The following CDKN2A variants were observed in gnomAD, a reference collection of about 807,000 sequenced individuals.
CDKN2A encodes cyclin-dependent kinase inhibitor 2A.
A neutral mutation model predicts 11.1 loss-of-function variants in CDKN2A; 3 were observed. The ratio of observed to expected loss-of-function variants is 0.27; its 90% CI spans 0.12 to 0.70. The LOEUF is 0.70. Ranked by LOEUF, CDKN2A falls within the 30% of genes least tolerant of loss-of-function variation. CDKN2A has a pLI of 0.77. For missense variants in CDKN2A, 265 were observed against 233.6 expected (o/e 1.13, Z -0.88); for synonymous variants, 122 against 108.1 (o/e 1.13, Z -0.80).
chr9:21,980,216 C>T (rs1489087976), intron 2 of CDKN2A, among the ~76,000 whole-genome samples: 1 of 152,086 alleles, frequency 6.6e-6, no homozygotes, highest in Non-Finnish European at 1.5e-5. Context: ...CTCTCTTGTT[C>T]TATTGTTTAC....
At position 21,982,923 on chromosome 9, in the gene CDKN2A, T is replaced by G. The variant is rs374145862; in HGVS notation, c.-4+10959A>C. Among the ~76,000 whole-genome samples the G allele has an allele frequency of 4.1e-4, 63 of 152,024 alleles. No homozygotes were observed. The South Asian group carries it at 7.5e-3, about 18-fold the overall frequency. On this transcript the variant is annotated intron_variant, in intron 2 of 3. Transcript: ENST00000494262. Reference sequence around the variant, plus strand: ...TAATAAGGAAAAGAAAAGTTCAAACTTAAGGTTCTCAGTTCTGTTTGAGAG... The same window carrying G: ...TAATAAGGAAAAGAAAAGTTCAAACGTAAGGTTCTCAGTTCTGTTTGAGAG...
At chr9:21,993,784 A>G in intron 2 of CDKN2A, 1 of 310,400 alleles carries the variant, frequency 3.2e-6, no homozygotes, top group Non-Finnish European at 6.0e-6. Flanking sequence ...GTGTGCTTGA[A>G]ATACACCTTT....
intron 2 of CDKN2A, among the ~76,000 whole-genome samples, chr9:21,985,182 A>G (rs1820273183): frequency 6.6e-6 from 1 of 151,972 alleles, no homozygotes; most frequent in Non-Finnish European, 1.5e-5. Flanking sequence ...TTAAGATGAT[A>G]ACTTCCATAA....
chr9:21,994,050 T>A, exon 2 of CDKN2A: 2 of 1,425,730 alleles, frequency 1.4e-6, no homozygotes, highest in Non-Finnish European at 1.9e-6. Flanking sequence ...CCTCCTAGCC[T>A]GGGCTAGAGA....
rs749723804 is a variant in CDKN2A, at chr9:21,994,261, A to G, written c.-175-208T>C. The G allele has an allele frequency of 4.4e-6, 7 of 1,605,408 alleles. No homozygotes were observed. In the South Asian group the frequency reaches 7.7e-5, roughly 18 times the overall value. ...CCCCGTGAGCCGCGGGATGTGAACC[A>G]CGAAAACCCTCACTCGCGGCGGGCC... On this transcript the variant is annotated intron_variant, in intron 1 of 3. Transcript: ENST00000494262.
Position 21,970,944 on chromosome 9 carries a change from C to G in CDKN2A, c.415G>C (p.Gly139Arg), listed in dbSNP as rs587781733. 27 of 1,612,380 alleles carry G rather than the reference C, an allele frequency of 1.7e-5. No individual in the cohort carries two copies. Among genetic ancestry groups the G allele is most frequent in the Non-Finnish European group, 2.2e-5 (26 of 1,180,034 alleles). ...GCATCTATGCGGGCATGGTTACTGC[C>G]TCTGGTGCCCCCCGCAGCCGCGCGC... ...YLRAAAGGTR[G>R]SNHARIDAAE... Residue 139 changes from glycine to arginine, a missense_variant, in exon 2 of 3, where the codon GGC (glycine) becomes CGC (arginine). Physicochemically the swap from Gly to Arg is moderately radical, Grantham distance 125 (BLOSUM62 -2). Coordinates refer to ENST00000304494, the MANE Select transcript of CDKN2A (RefSeq NM_000077.5).
At chr9:21,994,034 C>G (rs1450779264) in exon 2 of CDKN2A, 1 of 1,275,076 alleles carries the variant, frequency 7.8e-7, no homozygotes, top group Non-Finnish European at 1.1e-6. Context: ...GCGGTTATCT[C>G]CTCCTCCTCC....
rs1260653354 is a variant in CDKN2A, at chr9:21,967,860, A to C, written c.*369T>G. The C allele has an allele frequency of 3.0e-6, 1 of 338,972 alleles. No individual in the cohort carries two copies. The highest frequency in any genetic ancestry group is 5.4e-6 in the Non-Finnish European group (1 of 184,634). The allele number at this position is 338,972 out of a possible 1,614,324, so 21.0% of individuals were successfully genotyped here. A position where few individuals can be genotyped will look rare whatever the true frequency, so the allele number is the denominator to read the frequency against. On this transcript the variant is annotated 3_prime_UTR_variant, in exon 3 of 3. Transcript: ENST00000304494. ...TAACCCCCCTGAGCTTCCCTAGTTCACAAAATGCTTGTCATGAAGTCGACA... is the reference window on the plus strand; with the variant it reads ...TAACCCCCCTGAGCTTCCCTAGTTCCCAAAATGCTTGTCATGAAGTCGACA...
chr9:21,968,524 G>A lies in CDKN2A; in HGVS notation c.458-282C>T. 6.9e-7 allele frequency: 1 copy of A among 1,450,582 alleles called. No individual in the cohort carries two copies. 89.9% of individuals were successfully genotyped at this position (1,450,582 alleles called of 1,614,324 possible). On this transcript the variant is annotated intron_variant, in intron 2 of 2. Coordinates refer to ENST00000304494, the MANE Select transcript of CDKN2A (RefSeq NM_000077.5). This position sits in a 1 kb window ranked among gnomAD's most constrained non-coding sequence, Gnocchi z 4.7. ...GAAAGCGCGACCGCGCGGCCCGCAG[G>A]GTTGCAAGAAGAAAACGAGTGTTAT...
chr9:21,991,599 G>C lies in CDKN2A; in HGVS notation c.-4+2283C>G. 1.1e-6 allele frequency: 1 copy of C among 948,092 alleles called. No homozygotes were observed. The highest frequency in any genetic ancestry group is 1.3e-6 in the Non-Finnish European group (1 of 795,956). The allele number at this position is 948,092 out of a possible 1,614,324, so 58.7% of individuals were successfully genotyped here. ...ACCATTTGTATCACTTTAGTAATAGGAGTTTTTCATATGTTGGGAAAATGG... is the reference window on the plus strand; with the variant it reads ...ACCATTTGTATCACTTTAGTAATAGCAGTTTTTCATATGTTGGGAAAATGG... On this transcript the variant is annotated intron_variant, in intron 2 of 3. Coordinates refer to the CDKN2A transcript ENST00000494262. The surrounding 1 kb of genome is among the most constrained non-coding windows in gnomAD (Gnocchi z 5.2).
intron 2 of CDKN2A, among the ~76,000 whole-genome samples, chr9:21,982,626 C>A (rs1820219932): frequency 1.3e-5 from 2 of 151,778 alleles, no homozygotes; most frequent in African/African-American, 4.8e-5. Context: ...ATATTATGTA[C>A]AGCACAGATA....
chr9:21,985,624 T>A (rs999487993), intron 2 of CDKN2A, among the ~76,000 whole-genome samples: 8 of 151,934 alleles, frequency 5.3e-5, no homozygotes, highest in African/African-American at 1.4e-4. Context: ...GACTAATAAC[T>A]TTTTTTCCAG....
chr9:21,977,976 G>C (rs1248194621), upstream of CDKN2A, among the ~76,000 whole-genome samples: 1 of 152,084 alleles, frequency 6.6e-6, no homozygotes, highest in Non-Finnish European at 1.5e-5. Context: ...AGGTGTAAAA[G>C]TTGACTGCTT....
upstream of CDKN2A, chr9:21,974,945 G>C: frequency 7.0e-7 from 1 of 1,422,618 alleles, no homozygotes; most frequent in South Asian, 1.5e-5. The surrounding 1 kb of genome is among the most constrained non-coding windows in gnomAD (Gnocchi z 5.2). Flanking sequence ...CGGTGCTGGC[G>C]GAAGAGCCCC....
Position 21,968,413 on chromosome 9 carries a change from G to A in CDKN2A, c.458-171C>T. ...CGCCACCGCTCTCCCACACCTCCCT[G>A]GTCCAGCAGCTAGTCCACTGCCCGC... On this transcript the variant is annotated intron_variant, in intron 2 of 2. Coordinates refer to ENST00000304494, the MANE Select transcript of CDKN2A (RefSeq NM_000077.5). The surrounding 1 kb of genome is among the most constrained non-coding windows in gnomAD (Gnocchi z 4.7). 1 of 977,060 alleles carries A rather than the reference G, an allele frequency of 1.0e-6. No homozygotes were observed. Among genetic ancestry groups the A allele is most frequent in the Non-Finnish European group, 1.2e-6 (1 of 822,208 alleles). 60.5% of individuals were successfully genotyped at this position (977,060 alleles called of 1,614,324 possible).
chr9:21,980,974 A>G (rs1450827948), intron 2 of CDKN2A, among the ~76,000 whole-genome samples: 9 of 32,154 alleles, frequency 2.8e-4, no homozygotes, highest in African/African-American at 1.0e-3. Flanking sequence ...AAAAAAATGT[A>G]TATATATATA....
Position 21,971,575 on chromosome 9 carries a change from A to ATTTTTTTTTTTTTTTTTTTTTT in CDKN2A, c.151-368_151-367insAAAAAAAAAAAAAAAAAAAAAA, listed in dbSNP as rs59981968. 3.4e-3 allele frequency among the ~76,000 whole-genome samples: 383 copies of ATTTTTTTTTTTTTTTTTTTTTT among 111,304 alleles called. 22 individuals are homozygous for ATTTTTTTTTTTTTTTTTTTTTT. Among genetic ancestry groups the ATTTTTTTTTTTTTTTTTTTTTT allele is most frequent in the African/African-American group, 8.5e-3 (194 of 22,876 alleles). The allele number at this position is 111,304 out of a possible 152,430, so 73.0% of individuals were successfully genotyped here. A position where few individuals can be genotyped will look rare whatever the true frequency, so the allele number is the denominator to read the frequency against. On this transcript the variant is annotated intron_variant, in intron 1 of 2. Transcript: ENST00000304494. ...TCCTGAAATTATGTTAGGCCTGGAG[A>ATTTTTTTTTTTTTTTTTTTTTT]TTTTTTTTTTTTTTTTTGTTCACTG...
At chr9:21,970,473 G>T (rs1245114746) in intron 2 of CDKN2A, 3 of 403,790 alleles carry the variant, frequency 7.4e-6, no homozygotes, top group African/African-American at 2.0e-5. Context: ...CGCACAATTG[G>T]GTTTGGAAAT....
At chr9:21,987,130 T>C (rs1258625293) in intron 2 of CDKN2A, among the ~76,000 whole-genome samples, 1 of 152,072 alleles carries the variant, frequency 6.6e-6, no homozygotes, top group Non-Finnish European at 1.5e-5. Flanking sequence ...TTTCTTATAA[T>C]TGTTACTTTT....
Sources: allele counts gnomAD v4.1 joint callset (sites outside exome capture counted in the v4.1 genomes callset), GRCh38; gene constraint gnomAD v4.1.1; non-coding constraint Gnocchi (gnomAD v3.1); transcripts MANE v1.5; gene names NCBI Gene and HGNC (gene_info 2026-07-23, HGNC 2026-07-21).